ARID3B: variants seen among roughly 807,000 people sequenced by gnomAD.
The protein encoded by ARID3B is AT-rich interactive domain-containing protein 3B.
Under a neutral mutation model 51.9 loss-of-function variants are expected in ARID3B, and 10 were observed. The observed-to-expected ratio is 0.19, with a 90% CI of 0.12 to 0.33. The LOEUF (loss-of-function observed/expected upper bound fraction) is 0.33, where lower values mean the gene tolerates loss of function less well. Ranked by LOEUF, ARID3B falls within the 10% of genes least tolerant of loss-of-function variation. The pLI is 1.00. For missense variants in ARID3B, 483 were observed against 716.3 expected (o/e 0.67, Z 3.72); for synonymous variants, 205 against 279.5 (o/e 0.73, Z 2.66).
In ARID3B at chr15:74,581,081, G is replaced by A. The variant is rs535041128; in HGVS notation, c.697+7877G>A. 3.3e-4 allele frequency among the ~76,000 whole-genome samples: 50 copies of A among 152,284 alleles called. 1 individual carries two copies. The highest frequency in any genetic ancestry group is 1.1e-3 in the African/African-American group (47 of 41,556). On this transcript the variant is annotated intron_variant, in intron 4 of 8. Transcript: ENST00000346246. ...CCCACAAGCAAGGCTCTCTTTTCCT[G>A]CCCCTGCCCCATCTGGGCACACCAG...
chr15:74,554,982 T>G (rs1424518109), intron 2 of ARID3B, among the ~76,000 whole-genome samples: 1 of 152,182 alleles, frequency 6.6e-6, no homozygotes, highest in Non-Finnish European at 1.5e-5. Flanking sequence ...CTAAAATGTT[T>G]TATTGCTCTT....
At chr15:74,556,436 AT>A (rs1308340944) in intron 2 of ARID3B, among the ~76,000 whole-genome samples, 1 of 152,304 alleles carries the variant, frequency 6.6e-6, no homozygotes, top group East Asian at 1.9e-4. Context: ...AGATGTAATA[AT>A]TTTTTTAAGT....
intron 4 of ARID3B, among the ~76,000 whole-genome samples, chr15:74,579,485 G>T (rs544145532): frequency 1.3e-5 from 2 of 152,158 alleles, no homozygotes; most frequent in South Asian, 4.1e-4. Flanking sequence ...TTGAATGAGA[G>T]GGTTCAATTA....
At chr15:74,555,322 G>A (rs761293779) in intron 2 of ARID3B, among the ~76,000 whole-genome samples, 7 of 151,762 alleles carry the variant, frequency 4.6e-5, no homozygotes, top group African/African-American at 7.3e-5. Flanking sequence ...AGTTTGCTAC[G>A]ATTGACTCTT....
rs1210664478 is a variant in ARID3B at position 74,580,186 on chromosome 15, CAAAT to C, written c.697+6986_697+6989del. Among the ~76,000 whole-genome samples, 4 of 152,222 alleles carry C rather than the reference CAAAT, an allele frequency of 2.6e-5. No individual in the cohort carries two copies. In the East Asian group the frequency reaches 5.8e-4, roughly 22 times the overall value. On this transcript the variant is annotated intron_variant, in intron 4 of 8. Transcript: ENST00000346246. ...CAACAGAATGAGACTGTCAAAAAAA[CAAAT>C]AAAAAACAAAAAACGTGTTTCTTTG...
chr15:74,546,001 A>T (rs186261190), intron 2 of ARID3B, among the ~76,000 whole-genome samples: 1 of 152,336 alleles, frequency 6.6e-6, no homozygotes, highest in East Asian at 1.9e-4. Flanking sequence ...CATGGTAGGT[A>T]ATAGTGCCCG....
intron 2 of ARID3B, among the ~76,000 whole-genome samples, chr15:74,570,283 G>A (rs1273902799): frequency 6.6e-6 from 1 of 152,060 alleles, no homozygotes; most frequent in African/African-American, 2.4e-5. Flanking sequence ...ACACTTGGGT[G>A]TTTATTTTCA....
intron 4 of ARID3B, among the ~76,000 whole-genome samples, chr15:74,579,828 CGTGT>C (rs374538596): frequency 0.044 from 6,042 of 137,764 alleles, 143 homozygotes; most frequent in South Asian, 0.079. Flanking sequence ...CACCTGTTGC[CGTGT>C]GTGTGTGTGT....
rs981533542 is a variant in ARID3B at position 74,589,896 on chromosome 15, G to A, written c.774G>A (p.Glu258=). The stretch of plus-strand genomic sequence containing the variant: ...ACATGCTGTATAAGCTGGTGACCGA[G>A]AAGGGAGGCCTGGTGGAGATCATCA... ...DLYMLYKLVT[E]KGGLVEIINK... is the part of the protein sequence containing the mutation. The change falls in exon 5 of 9, where the codon GAG becomes GAA. Residue 258 remains glutamate (E), a synonymous_variant. Transcript: ENST00000346246. 1.2e-6 allele frequency: 2 copies of A among 1,614,044 alleles called. No individual in the cohort carries two copies. Among genetic ancestry groups the A allele is most frequent in the African/African-American group, 2.7e-5 (2 of 74,912 alleles).
intron 4 of ARID3B, among the ~76,000 whole-genome samples, chr15:74,588,058 T>G (rs1237419537): frequency 6.6e-6 from 1 of 151,962 alleles, no homozygotes; most frequent in Non-Finnish European, 1.5e-5. Context: ...CTGGGCAACA[T>G]AGGAAGATCC....
At chr15:74,553,530 G>A (rs2061645456) in intron 2 of ARID3B, among the ~76,000 whole-genome samples, 1 of 152,104 alleles carries the variant, frequency 6.6e-6, no homozygotes, top group Non-Finnish European at 1.5e-5. Flanking sequence ...TTCAACTCAT[G>A]GGTTGTTAAA....
rs2061605434 is a variant in ARID3B at position 74,544,127 on chromosome 15, C to T, written c.191C>T (p.Thr64Ile). 3 of 1,613,980 alleles carry T rather than the reference C, an allele frequency of 1.9e-6. No individual in the cohort carries two copies. The East Asian group carries it at 6.7e-5, about 36-fold the overall frequency. The change falls in exon 2 of 9, where the codon ACT becomes ATT. Residue 64 changes from threonine (T) to isoleucine (I), a missense_variant. Physicochemically the swap from Thr to Ile is moderately conservative, Grantham distance 89. Around this residue, in one of 3 missense-constraint regions of ARID3B, gnomAD observed 182 missense variants for 244.5 expected, o/e 0.74. Coordinates refer to ENST00000346246, the MANE Select transcript of ARID3B (RefSeq NM_006465.4). Reference protein sequence around the residue: ...SATAGRPSGSTPLGPLARVPP... With the variant: ...SATAGRPSGSIPLGPLARVPP... ...ACAGCTGGGAGACCTTCTGGCAGCA[C>T]TCCCTTAGGTCCCTTAGCCAGAGTT...
chr15:74,549,319 T>C (rs8037074), intron 2 of ARID3B, among the ~76,000 whole-genome samples: 37,947 of 151,824 alleles, frequency 0.25, 6,362 homozygotes, highest in East Asian at 0.55. Context: ...TCGTGATCCG[T>C]CCGCCTCGGC....
Position 74,566,622 on chromosome 15 carries a change from CTAAA to C in ARID3B, c.553-6234_553-6231del, listed in dbSNP as rs940314519. ...TGTCTCAAAAAAAAAAAAAAAGAGA[CTAAA>C]TAAATTTTGTGAAGGTGTCCGTTCT... On this transcript the variant is annotated intron_variant, in intron 2 of 8. Transcript: ENST00000346246. Among the ~76,000 whole-genome samples the C allele has an allele frequency of 1.4e-4, 21 of 150,892 alleles. 1 individual carries two copies. In the South Asian group the frequency reaches 1.9e-3, roughly 14 times the overall value.
At chr15:74,572,789 G>T in intron 2 of ARID3B, 73 bp from the exon 3 acceptor site, 1 of 1,432,472 alleles carries the variant, frequency 7.0e-7, no homozygotes, top group Non-Finnish European at 9.8e-7. Context: ...TGCCCTAAAT[G>T]ATTGCCTTGC....
At chr15:74,593,310 C>T (rs1349202746) in intron 8 of ARID3B, 74 bp downstream of exon 8, 6 of 1,357,428 alleles carry the variant, frequency 4.4e-6, no homozygotes, top group Non-Finnish European at 3.1e-6. Context: ...GCTGGCCCTG[C>T]CTCTTACCCT....
chr15:74,565,262 G>T (rs2061693384), intron 2 of ARID3B, among the ~76,000 whole-genome samples: 3 of 151,938 alleles, frequency 2.0e-5, no homozygotes, highest in Middle Eastern at 3.4e-3. Context: ...ATGTTTCCTA[G>T]GCTGGTCTCA....
intron 4 of ARID3B, 65 bp from the exon 5 acceptor site, chr15:74,589,755 A>G: frequency 1.3e-6 from 2 of 1,501,408 alleles, no homozygotes; most frequent in African/African-American, 1.4e-5. Flanking sequence ...GTGGGCATAC[A>G]CGGAATCTTT....
chr15:74,542,004 G>C (rs1363783583), intron 1 of ARID3B, among the ~76,000 whole-genome samples: 1 of 152,200 alleles, frequency 6.6e-6, no homozygotes, highest in African/African-American at 2.4e-5. Flanking sequence ...TTGAGTTGTA[G>C]AACTGAGTCA....
Sources: gnomAD v4.1 joint callset for allele counts (sites outside exome capture counted in the v4.1 genomes callset) on GRCh38, gnomAD v4.1.1 for gene constraint, gnomAD v4.1.1 regional missense constraint, MANE v1.5 for transcripts, NCBI Gene and HGNC (gene_info 2026-07-23, HGNC 2026-07-21) for gene names.